Variants in PLCL1 observed in about 807,000 individuals in gnomAD.
The protein encoded by PLCL1 is inactive phospholipase C-like protein 1.
In PLCL1, 41 loss-of-function variants were observed where a neutral mutation model predicts 84.4. The observed-to-expected ratio is 0.49, with a 90% CI of 0.38 to 0.63. The LOEUF (loss-of-function observed/expected upper bound fraction) is 0.63. Among genes scored for constraint, PLCL1 ranks in the 30% least tolerant of loss-of-function variants. PLCL1 has a pLI of 0.00. For missense variants in PLCL1, 1,206 were observed against 1,367.8 expected, an observed-to-expected ratio of 0.88 and a Z score of 1.87; for synonymous variants, 490 against 488.3, an observed-to-expected ratio of 1.00 and a Z score of -0.05.
rs145736043 is a variant in PLCL1, at chr2:198,078,449, T to A, written c.241-5309T>A. Among the ~76,000 whole-genome samples the A allele has an allele frequency of 6.8e-4, 103 of 152,316 alleles. 3 individuals are homozygous for A. In the South Asian group the frequency reaches 0.013, roughly 20 times the overall value. On this transcript the variant is annotated intron_variant, in intron 1 of 5. Transcript: ENST00000428675. ...TTTTATAGTGTATAGGTTGTATATA[T>A]GAACAGATAGGGTCTGTATGGTGAA...
Position 197,804,958 on chromosome 2 carries a change from G to A in PLCL1, c.-142G>A. The A allele has an allele frequency of 3.8e-6, 4 of 1,065,904 alleles. No individual in the cohort carries two copies. The highest frequency in any genetic ancestry group is 3.2e-5 in the South Asian group (2 of 61,828). The allele number at this position is 1,065,904 out of a possible 1,614,324, so 66.0% of individuals were successfully genotyped here. A position where few individuals can be genotyped will look rare whatever the true frequency, so the allele number is the denominator to read the frequency against. ...CCAGAAAGTTGCCGCCGCCGCCGCC[G>A]CCGCCGCCACTGCCGCCGCTGGGCG... On this transcript the variant is annotated 5_prime_UTR_variant, in exon 1 of 6. Transcript: ENST00000428675.
chr2:197,859,422 G>A (rs187048498), intron 1 of PLCL1, among the ~76,000 whole-genome samples: 1 of 152,034 alleles, frequency 6.6e-6, no homozygotes, highest in Non-Finnish European at 1.5e-5. Context: ...AAAATAAAAT[G>A]CTTAAAAATT....
intron 1 of PLCL1, among the ~76,000 whole-genome samples, chr2:197,841,803 G>T (rs553476612): frequency 2.6e-4 from 40 of 152,292 alleles, no homozygotes; most frequent in African/African-American, 9.6e-4. Context: ...AACTTCTGAT[G>T]TTCTGTAAAT....
At chr2:198,093,700 A>G (rs1693112424) in intron 3 of PLCL1, among the ~76,000 whole-genome samples, 1 of 152,196 alleles carries the variant, frequency 6.6e-6, no homozygotes, top group Admixed American at 6.5e-5. Context: ...GTTACCACTA[A>G]AAAATGCAGA....
intron 1 of PLCL1, among the ~76,000 whole-genome samples, chr2:197,977,444 T>G (rs772715679): frequency 2.6e-5 from 4 of 152,340 alleles, no homozygotes; most frequent in African/African-American, 9.6e-5. Context: ...CTCTTCTGGC[T>G]TCATTGCAGT....
intron 1 of PLCL1, among the ~76,000 whole-genome samples, chr2:197,883,335 G>C (rs1345442599): frequency 1.3e-5 from 2 of 152,156 alleles, no homozygotes; most frequent in Non-Finnish European, 2.9e-5. Context: ...TGTTGTATGG[G>C]AGATAGACCT....
At chr2:198,035,682 G>A (rs544390078) in intron 1 of PLCL1, among the ~76,000 whole-genome samples, 1 of 152,226 alleles carries the variant, frequency 6.6e-6, no homozygotes, top group Non-Finnish European at 1.5e-5. Flanking sequence ...ACAAATAGAT[G>A]AGCAACTATG....
At chr2:197,822,992 A>G (rs1380794684) in intron 1 of PLCL1, among the ~76,000 whole-genome samples, 1 of 152,172 alleles carries the variant, frequency 6.6e-6, no homozygotes, top group African/African-American at 2.4e-5. Flanking sequence ...TGATGTATAA[A>G]GCCGTTGTAC....
chr2:198,005,113 C>T (rs972224692), intron 1 of PLCL1, among the ~76,000 whole-genome samples: 7 of 152,172 alleles, frequency 4.6e-5, no homozygotes, highest in Non-Finnish European at 8.8e-5. Flanking sequence ...TCTTTTTAAA[C>T]TTTCCTTCCT....
chr2:197,955,484 T>C (rs1206176719), intron 1 of PLCL1, among the ~76,000 whole-genome samples: 1 of 151,496 alleles, frequency 6.6e-6, no homozygotes, highest in African/African-American at 2.4e-5. Context: ...GTTTGTTACA[T>C]AAGTATATGT....
At chr2:198,044,310 C>T (rs1018559345) in intron 1 of PLCL1, among the ~76,000 whole-genome samples, 13 of 152,158 alleles carry the variant, frequency 8.5e-5, no homozygotes, top group Non-Finnish European at 1.8e-4. Context: ...ACAGTGGCTT[C>T]TCCTAGTGAT....
chr2:197,912,710 C>T lies in PLCL1; in HGVS notation c.240+107371C>T, dbSNP rs866093778. 2.3e-3 allele frequency among the ~76,000 whole-genome samples: 325 copies of T among 141,040 alleles called. 2 individuals carry two copies. The highest frequency in any genetic ancestry group is 7.9e-3 in the African/African-American group (300 of 37,830). The allele number at this position is 141,040 out of a possible 152,430, so 92.5% of individuals were successfully genotyped here. ...ATCGCAAGAACAAAAAACCAAACAC[C>T]GCATATTCTCACTCATAGGTGGGAA... On this transcript the variant is annotated intron_variant, in intron 1 of 5. Transcript: ENST00000428675.
chr2:198,091,214 G>A (rs1167664974), intron 3 of PLCL1, among the ~76,000 whole-genome samples: 1 of 152,132 alleles, frequency 6.6e-6, no homozygotes, highest in Non-Finnish European at 1.5e-5. Context: ...TTTGGGGGAT[G>A]GGGTGGGTAG....
chr2:197,937,403 T>C (rs549247069), intron 1 of PLCL1, among the ~76,000 whole-genome samples: 12 of 152,372 alleles, frequency 7.9e-5, no homozygotes, highest in African/African-American at 2.9e-4. Context: ...TTCCAATCTA[T>C]GCGCATGGAT....
intron 5 of PLCL1, among the ~76,000 whole-genome samples, chr2:198,108,292 T>A (rs1428692901): frequency 1.3e-5 from 2 of 151,930 alleles, no homozygotes; most frequent in Non-Finnish European, 2.9e-5. Context: ...CTGCGTTGCC[T>A]ACTGAAAAAG....
chr2:197,815,922 G>T (rs566469085), intron 1 of PLCL1, among the ~76,000 whole-genome samples: 7 of 152,226 alleles, frequency 4.6e-5, no homozygotes, highest in Admixed American at 2.6e-4. Flanking sequence ...TCTTGAGATG[G>T]ATTTTACTCC....
intron 1 of PLCL1, among the ~76,000 whole-genome samples, chr2:197,965,028 T>C (rs185854075): frequency 4.0e-4 from 61 of 152,270 alleles, no homozygotes; most frequent in African/African-American, 1.4e-3. Flanking sequence ...CTTTTATTGA[T>C]GTATCTTTGT....
intron 1 of PLCL1, among the ~76,000 whole-genome samples, chr2:197,825,094 C>T (rs574723771): frequency 8.6e-5 from 13 of 152,038 alleles, no homozygotes; most frequent in African/African-American, 2.4e-4. Context: ...GCCAGGTTCT[C>T]GTGGGTAAGA....
At chr2:198,081,837 C>T (rs1018337765) in intron 1 of PLCL1, among the ~76,000 whole-genome samples, 2 of 152,094 alleles carry the variant, frequency 1.3e-5, no homozygotes, top group Non-Finnish European at 2.9e-5. Context: ...GTAGGCAGAA[C>T]TGATGAAATG....
Sources: gnomAD v4.1 joint callset for allele counts (sites outside exome capture counted in the v4.1 genomes callset) on GRCh38, gnomAD v4.1.1 for gene constraint, MANE v1.5 for transcripts, NCBI Gene and HGNC (gene_info 2026-07-23, HGNC 2026-07-21) for gene names.